Variants in STXBP5L observed in about 807,000 individuals in gnomAD.
STXBP5L encodes syntaxin binding protein 5L.
STXBP5L carries 65 observed loss-of-function variants against 144.5 expected under a neutral mutation model. The ratio of observed to expected loss-of-function variants is 0.45; its 90% CI spans 0.37 to 0.55. The LOEUF is 0.55. STXBP5L is among the 20% of genes least tolerant of loss of function. The pLI is 0.00. For synonymous variants in STXBP5L, 505 were observed against 469.6 expected (o/e 1.08, Z -0.97); for missense variants, 1,298 against 1,405.5 (o/e 0.92, Z 1.22).
At chr3:121,414,090 G>GT (rs1362808987) in intron 24 of STXBP5L, among the ~76,000 whole-genome samples, 1 of 151,928 alleles carries the variant, frequency 6.6e-6, no homozygotes, top group Non-Finnish European at 1.5e-5. Flanking sequence ...AATATAGTAT[G>GT]TTTTTTTAAA....
chr3:121,051,329 G>T (rs912066226), intron 5 of STXBP5L, among the ~76,000 whole-genome samples: 9 of 152,076 alleles, frequency 5.9e-5, no homozygotes, highest in Non-Finnish European at 8.8e-5. Context: ...TGACCACATA[G>T]TTGGAAGTAA....
At chr3:121,304,089 A>C (rs908265439) in intron 19 of STXBP5L, among the ~76,000 whole-genome samples, 4 of 152,282 alleles carry the variant, frequency 2.6e-5, no homozygotes, top group South Asian at 4.1e-4. Flanking sequence ...CACTATCCCC[A>C]AAAAAGCTGA....
At chr3:121,115,454 A>G (rs1362834701) in intron 6 of STXBP5L, among the ~76,000 whole-genome samples, 1 of 152,186 alleles carries the variant, frequency 6.6e-6, no homozygotes, top group Non-Finnish European at 1.5e-5. Flanking sequence ...TTCTTGCCTC[A>G]TTAAAATATT....
intron 5 of STXBP5L, among the ~76,000 whole-genome samples, chr3:121,072,056 T>C (rs542318287): frequency 6.6e-6 from 1 of 152,384 alleles, no homozygotes; most frequent in Admixed American, 6.5e-5. Context: ...CATTTGATTT[T>C]TAACATCTGC....
chr3:121,229,451 CT>C (rs2049230802), intron 11 of STXBP5L, among the ~76,000 whole-genome samples: 1 of 152,094 alleles, frequency 6.6e-6, no homozygotes, highest in South Asian at 2.1e-4. Context: ...TTTTTAGCTT[CT>C]GGTAACCTTA....
At chr3:121,202,291 A>G (rs960669858) in intron 9 of STXBP5L, among the ~76,000 whole-genome samples, 1 of 152,138 alleles carries the variant, frequency 6.6e-6, no homozygotes, top group Non-Finnish European at 1.5e-5. Context: ...CAAATTACCA[A>G]CTGGTATCTT....
At chr3:120,956,406 A>G (rs1353458525) in intron 3 of STXBP5L, among the ~76,000 whole-genome samples, 2 of 151,882 alleles carry the variant, frequency 1.3e-5, no homozygotes, top group Non-Finnish European at 2.9e-5. Context: ...TAGGTAACTT[A>G]TATAAGTGAA....
chr3:121,091,197 GT>G lies in STXBP5L; in HGVS notation c.471-23726del, dbSNP rs1286260756. On this transcript the variant is annotated intron_variant, in intron 5 of 26. Coordinates refer to ENST00000471454, the MANE Select transcript of STXBP5L (RefSeq NM_001308330.2). Reference sequence around the variant, plus strand: ...CTATCATTGATGGACATTTGGATTGGTTCCAAGTCCTTGCTATTGTGAATAG... The same window carrying G: ...CTATCATTGATGGACATTTGGATTGGTCCAAGTCCTTGCTATTGTGAATAG... Among the ~76,000 whole-genome samples, 2 of 146,992 alleles carry G rather than the reference GT, an allele frequency of 1.4e-5. 1 individual carries two copies. Among genetic ancestry groups the G allele is most frequent in the Non-Finnish European group, 3.0e-5 (2 of 67,742 alleles).
At chr3:121,105,759 A>G (rs1040312835) in intron 5 of STXBP5L, among the ~76,000 whole-genome samples, 2 of 152,168 alleles carry the variant, frequency 1.3e-5, no homozygotes, top group African/African-American at 4.8e-5. Context: ...GTGCAGTTAG[A>G]ACCATATTCA....
At chr3:121,298,156 T>G (rs2051734974) in intron 19 of STXBP5L, among the ~76,000 whole-genome samples, 1 of 152,226 alleles carries the variant, frequency 6.6e-6, no homozygotes, top group African/African-American at 2.4e-5. Context: ...TTTTCTGTTT[T>G]TGTTTGTTTG....
At chr3:121,046,669 G>A (rs1009754062) in intron 5 of STXBP5L, among the ~76,000 whole-genome samples, 3 of 152,112 alleles carry the variant, frequency 2.0e-5, no homozygotes, top group Non-Finnish European at 4.4e-5. Flanking sequence ...AGCAGTCTCT[G>A]AGGGTTTTTT....
intron 3 of STXBP5L, among the ~76,000 whole-genome samples, chr3:121,020,417 T>TG (rs1945462925): frequency 6.6e-6 from 1 of 152,134 alleles, no homozygotes; most frequent in Non-Finnish European, 1.5e-5. Flanking sequence ...AAAGAACACC[T>TG]GGGAAATTTA....
At chr3:121,094,886 G>T (rs977550130) in intron 5 of STXBP5L, among the ~76,000 whole-genome samples, 1 of 151,950 alleles carries the variant, frequency 6.6e-6, no homozygotes, top group Non-Finnish European at 1.5e-5. Flanking sequence ...TTTACATTTT[G>T]GCATGATTTT....
At chr3:121,330,402 G>A (rs1324120397) in intron 20 of STXBP5L, among the ~76,000 whole-genome samples, 1 of 152,164 alleles carries the variant, frequency 6.6e-6, no homozygotes, top group African/African-American at 2.4e-5. Context: ...CCCCGGGGCT[G>A]CTTCTTGCAC....
At position 121,245,761 on chromosome 3, in the gene STXBP5L, A is replaced by G. The variant is rs140427646; in HGVS notation, c.1401-4962A>G. Among the ~76,000 whole-genome samples the G allele has an allele frequency of 9.7e-3, 1,471 of 152,314 alleles. 9 individuals are homozygous for G. Among genetic ancestry groups the G allele is most frequent in the Non-Finnish European group, 0.015 (997 of 68,008 alleles). ...ATATAAAAAGTACAAATATGTATGA[A>G]CATAACAACAGAGCATCAAAATATA... On this transcript the variant is annotated intron_variant, in intron 14 of 26. Transcript: ENST00000471454.
At chr3:120,982,245 G>A (rs994632799) in intron 3 of STXBP5L, among the ~76,000 whole-genome samples, 6 of 152,134 alleles carry the variant, frequency 3.9e-5, no homozygotes, top group African/African-American at 1.4e-4. Context: ...CAGGTGATGG[G>A]CCGGTCTGTA....
chr3:120,960,400 C>T (rs1249095953), intron 3 of STXBP5L, among the ~76,000 whole-genome samples: 2 of 152,142 alleles, frequency 1.3e-5, no homozygotes, highest in African/African-American at 2.4e-5. Context: ...CCAGCCATCC[C>T]ATTACGGGGT....
chr3:121,369,569 T>TG (rs1220465750), intron 20 of STXBP5L, among the ~76,000 whole-genome samples: 1 of 123,474 alleles, frequency 8.1e-6, no homozygotes, highest in African/African-American at 3.5e-5. Context: ...GGTTCTTTGA[T>TG]TTTTTCTTTG....
intron 3 of STXBP5L, among the ~76,000 whole-genome samples, chr3:121,041,426 G>C (rs924592422): frequency 3.3e-5 from 5 of 151,976 alleles, no homozygotes; most frequent in Non-Finnish European, 5.9e-5. Flanking sequence ...AATGAAATGA[G>C]GTGTATCTAG....
Sources: gnomAD v4.1 joint callset for allele counts (sites outside exome capture counted in the v4.1 genomes callset) on GRCh38, gnomAD v4.1.1 for gene constraint, MANE v1.5 for transcripts, NCBI Gene and HGNC (gene_info 2026-07-23, HGNC 2026-07-21) for gene names.